The following CALD1 variants were observed in gnomAD, a reference collection of about 807,000 sequenced individuals.
CALD1 encodes the protein caldesmon 1, also known as caldesmon.
In CALD1, 33 loss-of-function variants were observed where a neutral mutation model predicts 99.9. That is an observed-to-expected ratio of 0.33 (90% CI 0.25 to 0.44). The LOEUF is 0.44. Ranked by LOEUF, CALD1 falls within the 20% of genes least tolerant of loss-of-function variation. The pLI, the probability that CALD1 is intolerant of heterozygous loss-of-function variation, is 1.00. For missense variants in CALD1, 861 were observed against 962.1 expected (o/e 0.89, Z 1.39); for synonymous variants, 310 against 325.0 (o/e 0.95, Z 0.50).
chr7:134,913,388 ATAAT>A (rs908698770), intron 3 of CALD1, among the ~76,000 whole-genome samples: 10 of 152,258 alleles, frequency 6.6e-5, no homozygotes, highest in Non-Finnish European at 1.0e-4. Flanking sequence ...TGTTTCAAAA[ATAAT>A]TAAAGTTTTA....
intron 1 of CALD1, among the ~76,000 whole-genome samples, chr7:134,843,357 C>A (rs1012204619): frequency 2.0e-5 from 3 of 152,168 alleles, no homozygotes; most frequent in Non-Finnish European, 4.4e-5. Context: ...GGCCCTTAGA[C>A]CCTAAATCTG....
chr7:134,784,516 G>C (rs910381981), intron 1 of CALD1, among the ~76,000 whole-genome samples: 17 of 152,222 alleles, frequency 1.1e-4, no homozygotes, highest in African/African-American at 3.9e-4. Context: ...ATGACAGCCA[G>C]GTGAGTAAAG....
At chr7:134,934,988 G>A (rs551933616) in intron 5 of CALD1, among the ~76,000 whole-genome samples, 4 of 152,044 alleles carry the variant, frequency 2.6e-5, no homozygotes, top group African/African-American at 9.6e-5. Context: ...AAAAAAAAAA[G>A]TCAAAACCCT....
At chr7:134,844,743 C>A (rs536019260) in intron 2 of CALD1, among the ~76,000 whole-genome samples, 1 of 152,174 alleles carries the variant, frequency 6.6e-6, no homozygotes, top group African/African-American at 2.4e-5. Context: ...TGGTGGATTT[C>A]TCGAGGCCCT....
At chr7:134,958,587 G>A (rs1807963901) in intron 11 of CALD1, among the ~76,000 whole-genome samples, 1 of 151,586 alleles carries the variant, frequency 6.6e-6, no homozygotes, top group South Asian at 2.1e-4. Flanking sequence ...TGTATTTTTA[G>A]TAGAGACGGA....
In CALD1 at chr7:134,867,589, A is replaced by G. The variant is rs543467153; in HGVS notation, c.-41-104A>G. 29 of 490,748 alleles carry G rather than the reference A, an allele frequency of 5.9e-5. No individual in the cohort carries two copies. In the South Asian group the frequency reaches 9.8e-4, roughly 17 times the overall value. 30.4% of individuals were successfully genotyped at this position (490,748 alleles called of 1,614,324 possible). A position where few individuals can be genotyped will look rare whatever the true frequency, so the allele number is the denominator to read the frequency against. On this transcript the variant is annotated intron_variant, in intron 2 of 14. Transcript: ENST00000361675. ...TACCTTATCAGCTTTCTAAGAGTAA[A>G]GAAAAATCAGGAGAATGACAAATGG...
intron 2 of CALD1, among the ~76,000 whole-genome samples, chr7:134,853,035 G>A (rs558407753): frequency 6.6e-6 from 1 of 152,300 alleles, no homozygotes; most frequent in South Asian, 2.1e-4. Flanking sequence ...ATTGTCGGAA[G>A]TTCACAGAGC....
chr7:134,950,073 G>T (rs55805494), intron 8 of CALD1, among the ~76,000 whole-genome samples: 1 of 152,182 alleles, frequency 6.6e-6, no homozygotes, highest in Non-Finnish European at 1.5e-5. Context: ...GAGCCCTCAC[G>T]AAAGCCCTAA....
At chr7:134,962,773 GTCTT>G (rs1466579163) in intron 13 of CALD1, 6 of 450,792 alleles carry the variant, frequency 1.3e-5, no homozygotes, top group East Asian at 7.0e-5. Context: ...AAGCTAATTT[GTCTT>G]TCTTTTTGTT....
chr7:134,799,193 ATCT>A (rs1455629562), intron 1 of CALD1, among the ~76,000 whole-genome samples: 1 of 152,244 alleles, frequency 6.6e-6, no homozygotes, highest in Admixed American at 6.5e-5. Flanking sequence ...AAATGTAGGT[ATCT>A]TCTTTGGTAT....
chr7:134,970,000 AG>A lies in CALD1; in HGVS notation c.*1658del, dbSNP rs1808936963. 6.6e-6 allele frequency: 1 copy of A among 152,502 alleles called. No homozygotes were observed. Among genetic ancestry groups the A allele is most frequent in the East Asian group, 1.9e-4 (1 of 5,198 alleles). The allele number at this position is 152,502 out of a possible 1,614,324, so 9.4% of individuals were successfully genotyped here. A position where few individuals can be genotyped will look rare whatever the true frequency, so the allele number is the denominator to read the frequency against. ...TTCCTCCAGAAGAGCTAACCAGGGC[AG>A]GGCTGGCATGAGAAGTGACATCTGC... On this transcript the variant is annotated 3_prime_UTR_variant, in exon 15 of 15. Coordinates refer to ENST00000361675, the MANE Select transcript of CALD1 (RefSeq NM_033138.4).
At chr7:134,736,832 T>G in the CALD1 span, among the ~76,000 whole-genome samples, 2 of 152,202 alleles carry the variant, frequency 1.3e-5, no homozygotes, top group Admixed American at 6.5e-5. Context: ...GCTCCATTCT[T>G]TCTTCATTTC....
At chr7:134,922,267 T>C (rs1334465275) in intron 3 of CALD1, among the ~76,000 whole-genome samples, 1 of 152,202 alleles carries the variant, frequency 6.6e-6, no homozygotes. Context: ...CCTAAACATG[T>C]AATAAAATCA....
At chr7:134,925,966 A>T (rs188343347) in intron 3 of CALD1, among the ~76,000 whole-genome samples, 1 of 152,326 alleles carries the variant, frequency 6.6e-6, no homozygotes, top group Admixed American at 6.5e-5. Context: ...TTGCGGTTAA[A>T]GCTGTCTACC....
intron 6 of CALD1, among the ~76,000 whole-genome samples, chr7:134,940,549 G>A (rs1806348278): frequency 6.6e-6 from 1 of 152,140 alleles, no homozygotes; most frequent in Non-Finnish European, 1.5e-5. Flanking sequence ...GTTAGTAAAT[G>A]TCCCATCCTT....
At chr7:134,884,768 AT>A (rs1801775213) in intron 3 of CALD1, among the ~76,000 whole-genome samples, 1 of 152,154 alleles carries the variant, frequency 6.6e-6, no homozygotes, top group Non-Finnish European at 1.5e-5. Context: ...GCCATCTGCT[AT>A]ATAACTAACA....
chr7:134,895,054 C>T (rs1446724074), intron 3 of CALD1, among the ~76,000 whole-genome samples: 2 of 150,908 alleles, frequency 1.3e-5, no homozygotes, highest in Non-Finnish European at 2.9e-5. Flanking sequence ...TTAGTTCATC[C>T]CACTGTTTTC....
chr7:134,890,284 T>G (rs1802089190), intron 3 of CALD1, among the ~76,000 whole-genome samples: 1 of 152,228 alleles, frequency 6.6e-6, no homozygotes, highest in Non-Finnish European at 1.5e-5. Flanking sequence ...GGAGACCACT[T>G]AACCTAACCC....
At chr7:134,957,962 C>T in intron 9 of CALD1, 107 bp from the exon 10 acceptor site, 1 of 798,334 alleles carries the variant, frequency 1.3e-6, no homozygotes, top group Non-Finnish European at 2.2e-6. Flanking sequence ...CCCTTATATG[C>T]TCTTCGGTGT....
Sources: gnomAD v4.1 joint callset for allele counts (sites outside exome capture counted in the v4.1 genomes callset) on GRCh38, gnomAD v4.1.1 for gene constraint, MANE v1.5 for transcripts, NCBI Gene and HGNC (gene_info 2026-07-23, HGNC 2026-07-21) for gene names.